The following ANO10 variants were observed in gnomAD, a reference collection of about 807,000 sequenced individuals.
ANO10 encodes the protein anoctamin-10.
In ANO10, 77 loss-of-function variants were observed where a neutral mutation model predicts 74.7. The ratio of observed to expected loss-of-function variants is 1.03; its 90% CI spans 0.86 to 1.25. The LOEUF (loss-of-function observed/expected upper bound fraction) is 1.25, where lower values mean the gene tolerates loss of function less well. Ranked by LOEUF, ANO10 falls within the 50% of genes most tolerant of loss-of-function variation. The probability of loss-of-function intolerance (pLI) is 0.00; values close to 1 mark genes in which losing one functional copy is unlikely to be tolerated. For synonymous variants in ANO10, 279 were observed against 284.9 expected, an observed-to-expected ratio of 0.98 and a Z score of 0.21; for missense variants, 721 against 778.1, an observed-to-expected ratio of 0.93 and a Z score of 0.87.
intron 11 of ANO10, among the ~76,000 whole-genome samples, chr3:43,493,121 G>A (rs1482502489): frequency 6.6e-6 from 1 of 152,212 alleles, no homozygotes; most frequent in Non-Finnish European, 1.5e-5. Flanking sequence ...AAAAGGATGA[G>A]TTCATGTCCT....
chr3:43,590,074 G>A (rs961574727), intron 4 of ANO10, among the ~76,000 whole-genome samples: 8 of 152,112 alleles, frequency 5.3e-5, no homozygotes, highest in African/African-American at 1.7e-4. Context: ...TCATATACAT[G>A]TATTATTTTT....
At chr3:43,543,005 G>A (rs1157030115) in intron 11 of ANO10, among the ~76,000 whole-genome samples, 3 of 152,178 alleles carry the variant, frequency 2.0e-5, no homozygotes, top group Non-Finnish European at 4.4e-5. Context: ...AAGGGAGGCT[G>A]CACTGGCCTC....
rs751645718 is a variant in ANO10 at position 43,574,906 on chromosome 3, C to A, written c.1163-42G>T. 4 of 1,558,664 alleles carry A rather than the reference C, an allele frequency of 2.6e-6. No homozygotes were observed. The South Asian group carries it at 4.5e-5, about 17-fold the overall frequency. ...CACAGGTAACTTCTCAGTAAGAAAA[C>A]AATACGAAAGCACTGTTATGAGGTA... On this transcript the variant is annotated intron_variant, in intron 6 of 12. Coordinates refer to ENST00000292246, the MANE Select transcript of ANO10 (RefSeq NM_018075.5).
chr3:43,650,783 T>C lies in ANO10; in HGVS notation c.-12+40734A>G, dbSNP rs531859046. On this transcript the variant is annotated intron_variant, in intron 1 of 3. Coordinates refer to the ANO10 transcript ENST00000413397. ...TTTGTGTTCATTCAACTTTTAAAAT[T>C]TCCTGTCTGATAAATTGTGTGTTGT... 3.0e-4 allele frequency among the ~76,000 whole-genome samples: 45 copies of C among 152,292 alleles called. No homozygotes were observed. In the South Asian group the frequency reaches 6.4e-3, roughly 22 times the overall value.
Position 43,555,302 on chromosome 3 carries a change from A to G in ANO10, c.1644T>C (p.Pro548=). The G allele has an allele frequency of 6.2e-7, 1 of 1,614,122 alleles. No homozygotes were observed. The highest frequency in any genetic ancestry group is 1.1e-5 in the South Asian group (1 of 91,084). The part of the protein sequence containing the change: ...CRVFKRPFSE[P]SANIGVWQLA... ...CCTGCCACACACCAATATTGGCTGAAGGTTCTGAGAATGGACGTTTGAAGA... is the reference window on the plus strand; with the variant it reads ...CCTGCCACACACCAATATTGGCTGAGGGTTCTGAGAATGGACGTTTGAAGA... The change falls in exon 10 of 13, where the codon CCT becomes CCC. Residue 548 remains proline, a synonymous_variant. Coordinates refer to ENST00000292246, the MANE Select transcript of ANO10 (RefSeq NM_018075.5).
chr3:43,412,062 GTA>G (rs980549188), intron 12 of ANO10, among the ~76,000 whole-genome samples: 3 of 147,416 alleles, frequency 2.0e-5, no homozygotes, highest in African/African-American at 4.9e-5. Flanking sequence ...TTATATATAT[GTA>G]TATATATATT....
At chr3:43,412,678 G>T (rs1465283208) in intron 12 of ANO10, among the ~76,000 whole-genome samples, 2 of 152,186 alleles carry the variant, frequency 1.3e-5, no homozygotes, top group African/African-American at 2.4e-5. Context: ...TTTGAACAAT[G>T]GAAAGCATGT....
At chr3:43,522,328 T>C (rs930240503) in intron 11 of ANO10, among the ~76,000 whole-genome samples, 15 of 152,056 alleles carry the variant, frequency 9.9e-5, no homozygotes, top group African/African-American at 3.6e-4. Context: ...GATAAAAAAA[T>C]ACATTAAAAA....
upstream of ANO10, among the ~76,000 whole-genome samples, chr3:43,622,230 T>C (rs576671622): frequency 2.5e-4 from 38 of 152,194 alleles, no homozygotes; most frequent in African/African-American, 9.2e-4. Context: ...GCAGCCCTCA[T>C]TGGGCTGTCG....
At chr3:43,638,790 C>A (rs564490382) in intron 1 of ANO10, 12 of 152,302 alleles carry the variant, frequency 7.9e-5, no homozygotes, top group African/African-American at 2.9e-4. Flanking sequence ...AAGGTAGGTA[C>A]CACTCCTGTT....
At chr3:43,477,489 C>T (rs1379092182) in intron 11 of ANO10, among the ~76,000 whole-genome samples, 2 of 152,196 alleles carry the variant, frequency 1.3e-5, no homozygotes, top group African/African-American at 2.4e-5. Flanking sequence ...TTGTTAATAA[C>T]AGCTGACGTG....
chr3:43,631,146 A>C (rs1343266235), intron 1 of ANO10, among the ~76,000 whole-genome samples: 1 of 152,230 alleles, frequency 6.6e-6, no homozygotes, highest in East Asian at 1.9e-4. Context: ...TGCTTCCTGC[A>C]AATAAATGAA....
chr3:43,511,285 A>T (rs965217117), intron 11 of ANO10, among the ~76,000 whole-genome samples: 9 of 152,166 alleles, frequency 5.9e-5, no homozygotes, highest in Non-Finnish European at 1.2e-4. Context: ...AGATTTTTTT[A>T]AAATTCACAA....
At chr3:43,499,850 CAG>C (rs797014572) in intron 11 of ANO10, among the ~76,000 whole-genome samples, 3 of 146,864 alleles carry the variant, frequency 2.0e-5, no homozygotes, top group African/African-American at 7.6e-5. Flanking sequence ...TTTTTTGAGA[CAG>C]AGTCTCACTC....
chr3:43,603,703 G>C (rs2082433406), intron 2 of ANO10, among the ~76,000 whole-genome samples: 1 of 152,144 alleles, frequency 6.6e-6, no homozygotes, highest in African/African-American at 2.4e-5. Context: ...AGTTCTGAGG[G>C]CTTAGATGGA....
chr3:43,574,218 A>G (rs926962054), intron 7 of ANO10, among the ~76,000 whole-genome samples: 1 of 149,642 alleles, frequency 6.7e-6, no homozygotes, highest in African/African-American at 2.5e-5. Flanking sequence ...AGCTTCCCAA[A>G]GTGCTGGGAT....
chr3:43,489,541 A>C (rs2076637462), intron 11 of ANO10, among the ~76,000 whole-genome samples: 1 of 151,990 alleles, frequency 6.6e-6, no homozygotes, highest in African/African-American at 2.4e-5. Flanking sequence ...TAGAGGGCCA[A>C]GGGGAAAGCT....
At chr3:43,372,851 C>T (rs1324020527) in intron 12 of ANO10, 2 of 1,535,172 alleles carry the variant, frequency 1.3e-6, no homozygotes, top group East Asian at 2.4e-5. Flanking sequence ...TTGCAGCCTG[C>T]AGTAGCAGCC....
At chr3:43,611,963 C>T (rs1254736054) in intron 1 of ANO10, among the ~76,000 whole-genome samples, 1 of 151,450 alleles carries the variant, frequency 6.6e-6, no homozygotes, top group Non-Finnish European at 1.5e-5. Flanking sequence ...AAAACACTTC[C>T]ATTTAAATTC....
Sources: gnomAD v4.1 joint callset for allele counts (sites outside exome capture counted in the v4.1 genomes callset) on GRCh38, gnomAD v4.1.1 for gene constraint, MANE v1.5 for transcripts, NCBI Gene and HGNC (gene_info 2026-07-23, HGNC 2026-07-21) for gene names.